The following ADRA1A variants were observed in gnomAD, a reference collection of about 807,000 sequenced individuals.
ADRA1A encodes alpha-1A adrenergic receptor.
In ADRA1A, 31 loss-of-function variants were observed where a neutral mutation model predicts 29.6. The observed-to-expected ratio is 1.05, with a 90% CI of 0.79 to 1.41. ADRA1A has a LOEUF of 1.41. Ranked by LOEUF, ADRA1A falls within the 40% of genes most tolerant of loss-of-function variation. The pLI is 0.00. For synonymous variants in ADRA1A, 311 were observed against 254.3 expected (o/e 1.22, Z -2.12); for missense variants, 619 against 601.1 (o/e 1.03, Z -0.31).
At chr8:26,840,645 T>C (rs1013177071) in intron 2 of ADRA1A, among the ~76,000 whole-genome samples, 7 of 152,058 alleles carry the variant, frequency 4.6e-5, no homozygotes, top group African/African-American at 1.7e-4. Flanking sequence ...TAAAATCAGA[T>C]TGGAATTATT....
Position 26,823,297 on chromosome 8 carries a change from G to C in ADRA1A, c.883+40790C>G, listed in dbSNP as rs1187353683. On this transcript the variant is annotated intron_variant, in intron 2 of 2. Transcript: ENST00000380573. This position sits in a 1 kb window ranked among gnomAD's most constrained non-coding sequence, Gnocchi z 4.2. ...TGCCTTCCACACTGTCACGTGCTGG[G>C]GGCTGGGCATGGGCGGTGACTTCCA... 6.6e-6 allele frequency among the ~76,000 whole-genome samples: 1 copy of C among 152,114 alleles called. No homozygotes were observed. The highest frequency in any genetic ancestry group is 1.5e-5 in the Non-Finnish European group (1 of 68,032).
chr8:26,845,995 G>A (rs901484515), intron 2 of ADRA1A, among the ~76,000 whole-genome samples: 3 of 152,132 alleles, frequency 2.0e-5, no homozygotes, highest in Admixed American at 1.3e-4. Flanking sequence ...ACTAGATAGT[G>A]GTGATAGTTG....
chr8:26,754,232 T>C (rs1209223467), downstream of ADRA1A, among the ~76,000 whole-genome samples: 3 of 152,196 alleles, frequency 2.0e-5, no homozygotes, highest in Admixed American at 6.5e-5. Flanking sequence ...TATATATTCA[T>C]TGATACAAAA....
chr8:26,835,248 T>A (rs1294574686), intron 2 of ADRA1A, among the ~76,000 whole-genome samples: 2 of 152,210 alleles, frequency 1.3e-5, no homozygotes, highest in Non-Finnish European at 2.9e-5. Flanking sequence ...TACATTTTTA[T>A]AACACTTAAC....
At chr8:26,835,486 A>C (rs1485553792) in intron 2 of ADRA1A, among the ~76,000 whole-genome samples, 1 of 152,190 alleles carries the variant, frequency 6.6e-6, no homozygotes, top group African/African-American at 2.4e-5. Context: ...AAGGGGAAGC[A>C]AACACATCCT....
intron 2 of ADRA1A, among the ~76,000 whole-genome samples, chr8:26,795,311 AT>A (rs1808117650): frequency 6.6e-6 from 1 of 152,184 alleles, no homozygotes; most frequent in Non-Finnish European, 1.5e-5. Flanking sequence ...TTCACAAAGG[AT>A]TAAAAATCGC....
intron 2 of ADRA1A, chr8:26,836,410 T>C (rs551648325): frequency 6.5e-6 from 1 of 153,086 alleles, no homozygotes; most frequent in South Asian, 2.1e-4. Flanking sequence ...GACAAAGCAT[T>C]GTAAATGCTA....
rs1416395119 is a variant in ADRA1A, at chr8:26,770,322, T to A, written c.1228A>T (p.Ile410Phe). ...GAGGATTGGTCTTTGGACACTGTAA[T>A]CCTGGCAGATCCACGGGGCATGGAA... ...FSSMPRGSAR[I>F]TVSKDQSSCT... The change falls in exon 3 of 3, where the codon ATT (isoleucine) becomes TTT (phenylalanine). Residue 410 changes from isoleucine to phenylalanine, a missense_variant. By Grantham distance (21) the Ile-to-Phe change is conservative. Transcript: ENST00000380573. 3.1e-6 allele frequency: 5 copies of A among 1,614,070 alleles called. No individual in the cohort carries two copies. Among genetic ancestry groups the A allele is most frequent in the Non-Finnish European group, 4.2e-6 (5 of 1,180,038 alleles).
chr8:26,765,778 G>A, downstream of ADRA1A: 3 of 1,202,974 alleles, frequency 2.5e-6, no homozygotes, highest in Non-Finnish European at 2.1e-6. Context: ...CATCTTTTTT[G>A]GCCAAAGGAC....
chr8:26,829,757 A>G (rs1011086036), intron 2 of ADRA1A, among the ~76,000 whole-genome samples: 2 of 152,202 alleles, frequency 1.3e-5, no homozygotes, highest in Non-Finnish European at 2.9e-5. Context: ...ATTCAGAAGG[A>G]CAACCCAGTA....
chr8:26,765,996 A>AG (rs1805757338), downstream of ADRA1A: 1 of 1,608,750 alleles, frequency 6.2e-7, no homozygotes, highest in Non-Finnish European at 8.5e-7. Context: ...ACATAGCCAT[A>AG]GCTTCCAGCT....
At chr8:26,760,358 G>A (rs1440547405) in intron 2 of ADRA1A, among the ~76,000 whole-genome samples, 1 of 152,184 alleles carries the variant, frequency 6.6e-6, no homozygotes, top group Non-Finnish European at 1.5e-5. Context: ...TAGGCTTTAA[G>A]AGTGGGAGGT....
At chr8:26,828,003 C>T (rs1037483370) in intron 2 of ADRA1A, among the ~76,000 whole-genome samples, 2 of 152,132 alleles carry the variant, frequency 1.3e-5, no homozygotes, top group Non-Finnish European at 2.9e-5. Context: ...CAGCAACCCT[C>T]CCACCTCAAC....
intron 2 of ADRA1A, among the ~76,000 whole-genome samples, chr8:26,778,520 A>AT (rs1391078618): frequency 6.6e-6 from 1 of 152,126 alleles, no homozygotes; most frequent in Non-Finnish European, 1.5e-5. Context: ...CATTTAAAAC[A>AT]TTTTTATAAT....
chr8:26,847,291 A>T (rs1010626022), intron 2 of ADRA1A, among the ~76,000 whole-genome samples: 21 of 152,218 alleles, frequency 1.4e-4, no homozygotes, highest in Admixed American at 1.2e-3. Context: ...AAAAAGAAAA[A>T]CGTCTCCAGA....
chr8:26,819,118 C>T (rs1157763686), intron 2 of ADRA1A, among the ~76,000 whole-genome samples: 2 of 152,060 alleles, frequency 1.3e-5, no homozygotes, highest in Non-Finnish European at 1.5e-5. Context: ...TTCCATGAGG[C>T]TATCAGTGGA....
chr8:26,777,354 T>C (rs552215803), intron 2 of ADRA1A, among the ~76,000 whole-genome samples: 1 of 152,012 alleles, frequency 6.6e-6, no homozygotes, highest in Admixed American at 6.5e-5. Flanking sequence ...CTGGGAAGAG[T>C]CCTTAGCTTG....
At chr8:26,757,518 A>G (rs73678226) in intron 2 of ADRA1A, among the ~76,000 whole-genome samples, 4 of 148,092 alleles carry the variant, frequency 2.7e-5, no homozygotes, top group South Asian at 2.1e-4. Flanking sequence ...CATTTCCCCC[A>G]CCCCCCACCT....
chr8:26,817,348 A>G (rs567649353), intron 2 of ADRA1A, among the ~76,000 whole-genome samples: 19 of 152,354 alleles, frequency 1.2e-4, no homozygotes, highest in African/African-American at 4.6e-4. Context: ...ACCATTTTAC[A>G]TGTATTAGGA....
Sources: gnomAD v4.1 joint callset for allele counts (sites outside exome capture counted in the v4.1 genomes callset) on GRCh38, gnomAD v4.1.1 for gene constraint, Gnocchi (gnomAD v3.1) non-coding constraint, MANE v1.5 for transcripts, NCBI Gene and HGNC (gene_info 2026-07-23, HGNC 2026-07-21) for gene names.